Variants in TMCO5A observed in about 807,000 individuals in gnomAD.
TMCO5A encodes transmembrane and coiled-coil domain-containing protein 5A.
TMCO5A carries 34 observed loss-of-function variants against 42.3 expected under a neutral mutation model. The ratio of observed to expected loss-of-function variants is 0.80; its 90% confidence interval spans 0.61 to 1.07. TMCO5A has a LOEUF of 1.07. TMCO5A is among the 50% of genes least tolerant of loss of function. TMCO5A has a pLI of 0.00. For synonymous variants in TMCO5A, 131 were observed against 115.6 expected (o/e 1.13, Z -0.86); for missense variants, 357 against 327.9 (o/e 1.09, Z -0.69).
At chr15:37,976,069 C>T in the TMCO5A span, among the ~76,000 whole-genome samples, 28 of 145,274 alleles carry the variant, frequency 1.9e-4, 3 homozygotes, top group African/African-American at 7.7e-4. Flanking sequence ...CATGGTGAAA[C>T]CCTGTGTCTA....
At chr15:38,018,816 A>G in the TMCO5A span, among the ~76,000 whole-genome samples, 1 of 152,130 alleles carries the variant, frequency 6.6e-6, no homozygotes, top group Non-Finnish European at 1.5e-5. Flanking sequence ...ATTAAAATTA[A>G]AATATTTTAA....
At chr15:38,001,151 T>C in the TMCO5A span, among the ~76,000 whole-genome samples, 2 of 152,204 alleles carry the variant, frequency 1.3e-5, no homozygotes, top group South Asian at 2.1e-4. Context: ...TTAGCTCTAA[T>C]AATATTTGTT....
chr15:37,992,593 A>G, the TMCO5A span, among the ~76,000 whole-genome samples: 1 of 152,234 alleles, frequency 6.6e-6, no homozygotes, highest in African/African-American at 2.4e-5. Flanking sequence ...CATGGAATCA[A>G]TCTAAATGCC....
At chr15:37,992,862 G>A in the TMCO5A span, among the ~76,000 whole-genome samples, 1 of 152,152 alleles carries the variant, frequency 6.6e-6, no homozygotes, top group East Asian at 1.9e-4. Flanking sequence ...TAGAGGATGG[G>A]AAGAGGGAGA....
chr15:38,031,675 C>A, the TMCO5A span, among the ~76,000 whole-genome samples: 1 of 152,138 alleles, frequency 6.6e-6, no homozygotes, highest in Admixed American at 6.5e-5. Context: ...ACAGCCCCAA[C>A]CAATATTTTG....
At chr15:37,949,410 G>T (rs1890081989) in intron 11 of TMCO5A, among the ~76,000 whole-genome samples, 1 of 152,102 alleles carries the variant, frequency 6.6e-6, no homozygotes, top group Admixed American at 6.6e-5. Flanking sequence ...GTTTTAAAGA[G>T]CACGGAGTGG....
rs144021993 is a variant in TMCO5A at position 37,936,871 on chromosome 15, G to T, written c.165G>T (p.Thr55=). The part of the protein sequence containing the change: ...IQRLESEIIQ[T]RGLVEDEEWE... ...GGCTGGAAAGTGAGATCATTCAGAC[G>T]CGGGGCCTGGTGGAAGATGAAGAGT... The change falls in exon 4 of 12, where the codon ACG becomes ACT. Residue 55 remains threonine (T), a synonymous_variant. Coordinates refer to ENST00000319669, the MANE Select transcript of TMCO5A (RefSeq NM_152453.4). 3.1e-6 allele frequency: 5 copies of T among 1,612,074 alleles called. No individual in the cohort carries two copies. The Admixed American group carries it at 8.4e-5, about 27-fold the overall frequency.
the TMCO5A span, among the ~76,000 whole-genome samples, chr15:37,982,335 C>CT: frequency 6.6e-6 from 1 of 151,698 alleles, no homozygotes; most frequent in Non-Finnish European, 1.5e-5. Context: ...GGACTTCACA[C>CT]TTTGACAAGT....
chr15:38,026,497 C>A, the TMCO5A span, among the ~76,000 whole-genome samples: 3 of 152,096 alleles, frequency 2.0e-5, no homozygotes, highest in Non-Finnish European at 4.4e-5. Context: ...TAAAGGCATT[C>A]GGTTTTATAA....
chr15:38,014,628 T>C, the TMCO5A span, among the ~76,000 whole-genome samples: 12 of 152,016 alleles, frequency 7.9e-5, no homozygotes, highest in Non-Finnish European at 1.8e-4. Flanking sequence ...TCAGTGCGTG[T>C]GTGCACACAT....
the TMCO5A span, among the ~76,000 whole-genome samples, chr15:38,022,889 T>C: frequency 1.3e-5 from 2 of 152,106 alleles, no homozygotes; most frequent in Admixed American, 6.5e-5. Context: ...AAAATCAATA[T>C]AAAGAAAGTA....
the TMCO5A span, among the ~76,000 whole-genome samples, chr15:38,019,367 T>C: frequency 1.3e-5 from 2 of 152,234 alleles, no homozygotes; most frequent in Non-Finnish European, 2.9e-5. Flanking sequence ...CTAGAATATT[T>C]ATTTTGCATG....
the TMCO5A span, among the ~76,000 whole-genome samples, chr15:37,975,762 G>C: frequency 7.1e-6 from 1 of 141,816 alleles, no homozygotes; most frequent in Non-Finnish European, 1.5e-5. Context: ...GATCAGTTGC[G>C]GTTTGATTTT....
chr15:37,968,585 T>TC (rs202242911), downstream of TMCO5A, among the ~76,000 whole-genome samples: 3 of 149,558 alleles, frequency 2.0e-5, no homozygotes, highest in African/African-American at 4.9e-5. Flanking sequence ...TACATTTCTT[T>TC]TTTTTTTTTT....
the TMCO5A span, chr15:38,040,198 T>C: frequency 6.6e-6 from 1 of 152,282 alleles, no homozygotes; most frequent in East Asian, 1.9e-4. Flanking sequence ...CAGAAGCAAG[T>C]TACAGTCCCC....
chr15:37,958,610 C>T (rs1890349144), intron 11 of TMCO5A, among the ~76,000 whole-genome samples: 1 of 152,078 alleles, frequency 6.6e-6, no homozygotes, highest in South Asian at 2.1e-4. Flanking sequence ...ATTAAAAAGT[C>T]AGGAAACAAC....
chr15:38,019,451 CT>C, the TMCO5A span, among the ~76,000 whole-genome samples: 2 of 151,774 alleles, frequency 1.3e-5, no homozygotes, highest in Non-Finnish European at 2.9e-5. Flanking sequence ...TTCAATTTTC[CT>C]TTTTTTTGTA....
chr15:38,029,788 A>T, the TMCO5A span, among the ~76,000 whole-genome samples: 1 of 152,088 alleles, frequency 6.6e-6, no homozygotes, highest in Non-Finnish European at 1.5e-5. Flanking sequence ...TGTTAATTCA[A>T]CTCTCTCAGA....
At chr15:38,032,927 T>C in the TMCO5A span, among the ~76,000 whole-genome samples, 4 of 5,786 alleles carry the variant, frequency 6.9e-4, no homozygotes, top group South Asian at 7.5e-3. Context: ...ATTTGGTCTC[T>C]TTTTTTTTTT....
Sources: gnomAD v4.1 joint callset for allele counts (sites outside exome capture counted in the v4.1 genomes callset) on GRCh38, gnomAD v4.1.1 for gene constraint, MANE v1.5 for transcripts, NCBI Gene and HGNC (gene_info 2026-07-23, HGNC 2026-07-21) for gene names.